The following P2RX1 variants were observed in gnomAD, a reference collection of about 807,000 sequenced individuals.
P2RX1 encodes the protein P2X purinoceptor 1.
P2RX1 carries 42 observed loss-of-function variants against 50.3 expected under a neutral mutation model. The observed-to-expected ratio is 0.83, with a 90% CI of 0.65 to 1.08. The LOEUF is 1.08. Among genes scored for constraint, P2RX1 ranks in the 50% least tolerant of loss-of-function variants. The pLI is 0.00. For missense variants in P2RX1, 449 were observed against 529.0 expected, an observed-to-expected ratio of 0.85 and a Z score of 1.48; for synonymous variants, 199 against 202.6, an observed-to-expected ratio of 0.98 and a Z score of 0.15.
At chr17:3,909,998 G>A (rs1319786714) in intron 1 of P2RX1, among the ~76,000 whole-genome samples, 5 of 130,888 alleles carry the variant, frequency 3.8e-5, no homozygotes, top group Non-Finnish European at 7.9e-5. Context: ...TTTTTGAGAC[G>A]GAGTCTCGCT....
In P2RX1 at chr17:3,905,331, C is replaced by G. The variant is rs145994135; in HGVS notation, c.174G>C (p.Ser58=). Residue 58 remains serine (S), a synonymous_variant, in exon 2 of 12, where the codon TCG becomes TCC. Transcript: ENST00000225538. The part of the protein sequence containing the change: ...VFLYEKGYQT[S]SGLISSVSVK... The stretch of plus-strand genomic sequence containing the variant: ...CAGAGACACTGCTGATGAGGCCGCT[C>G]GAGGTCTGGTAGCCCTTCTCATAGA... 1.5e-5 allele frequency: 25 copies of G among 1,613,792 alleles called. No homozygotes were observed. The highest frequency in any genetic ancestry group is 2.0e-5 in the Non-Finnish European group (24 of 1,180,036).
chr17:3,900,584 C>G (rs752296446), intron 7 of P2RX1, among the ~76,000 whole-genome samples: 8 of 152,224 alleles, frequency 5.3e-5, no homozygotes, highest in Non-Finnish European at 1.0e-4. Context: ...CTCCAGCTCT[C>G]TGACCATTTC....
At position 3,916,196 on chromosome 17, in the gene P2RX1, G is replaced by A. The variant is rs757339123; in HGVS notation, c.30C>T (p.Ala10=). 1.2e-5 allele frequency: 19 copies of A among 1,613,024 alleles called. No individual in the cohort carries two copies. Among genetic ancestry groups the A allele is most frequent in the East Asian group, 2.2e-5 (1 of 44,886 alleles). ...GGGTGTCATACTCGAAGAGGAAGGC[G>A]GCCAGCTCCTCCTGGAACCGCCGTG... MARRFQEEL[A]AFLFEYDTPR... Residue 10 remains alanine (A), a synonymous_variant, in exon 1 of 12, where the codon GCC becomes GCT. Coordinates refer to ENST00000225538, the MANE Select transcript of P2RX1 (RefSeq NM_002558.4).
chr17:3,906,186 C>G (rs188720729), intron 1 of P2RX1, among the ~76,000 whole-genome samples: 304 of 152,240 alleles, frequency 2.0e-3, no homozygotes, highest in African/African-American at 7.0e-3. Flanking sequence ...GACTGGAGTA[C>G]AGCGGCGCCA....
rs2056203722 is a variant in P2RX1, at chr17:3,903,869, G to GC, written c.524+58dup. ...GGGTAAAGATCCTTTCTAGACCTAG[G>GC]CCCCCCTCTGTCTGGCCTGGGACCC... is the stretch of plus-strand genomic sequence containing the variant. On this transcript the variant is annotated intron_variant, in intron 5 of 11. Transcript: ENST00000225538. This position sits in a 1 kb window ranked among gnomAD's most constrained non-coding sequence, Gnocchi z 4.6. The GC allele has an allele frequency of 1.4e-6, 2 of 1,386,410 alleles. No homozygotes were observed. Among genetic ancestry groups the GC allele is most frequent in the Admixed American group, 1.7e-5 (1 of 59,580 alleles). 85.9% of individuals were successfully genotyped at this position (1,386,410 alleles called of 1,614,324 possible).
rs2074988 is a variant in P2RX1 at position 3,905,419 on chromosome 17, T to C, written c.138-52A>G. On this transcript the variant is annotated intron_variant, in intron 1 of 11. Transcript: ENST00000225538. ...TTGTGGTTGTGGCACCAGCTGGACC[T>C]GTCACACGCTTTCCCACGCCCTCCC... 674,386 of 1,602,032 alleles carry C rather than the reference T, an allele frequency of 0.42. 149,680 individuals are homozygous for C. The highest frequency in any genetic ancestry group is 0.69 in the African/African-American group (51,758 of 74,850).
Position 3,903,360 on chromosome 17 carries a change from T to C in P2RX1, c.606-17A>G. On this transcript the variant is annotated splice_polypyrimidine_tract_variant and intron_variant, in intron 6 of 11. Coordinates refer to ENST00000225538, the MANE Select transcript of P2RX1 (RefSeq NM_002558.4). This position sits in a 1 kb window ranked among gnomAD's most constrained non-coding sequence, Gnocchi z 4.6. ...AGGTTGCGCCTGTGGGGGTGGAAGGTGTTGACAGCTGCTGTGTGTCATCCG... is the reference window on the plus strand; with the variant it reads ...AGGTTGCGCCTGTGGGGGTGGAAGGCGTTGACAGCTGCTGTGTGTCATCCG... The C allele has an allele frequency of 6.2e-7, 1 of 1,613,776 alleles. No individual in the cohort carries two copies. Among genetic ancestry groups the C allele is most frequent in the East Asian group, 2.2e-5 (1 of 44,874 alleles).
At chr17:3,899,570 T>C (rs2143960935) in intron 8 of P2RX1, 64 bp downstream of exon 8, 3 of 1,601,840 alleles carry the variant, frequency 1.9e-6, no homozygotes, top group South Asian at 2.2e-5. Context: ...CCTGAAGTGT[T>C]CTGGGAGTAG....
intron 1 of P2RX1, among the ~76,000 whole-genome samples, chr17:3,913,704 C>T (rs1477216616): frequency 6.6e-6 from 1 of 152,258 alleles, no homozygotes; most frequent in Admixed American, 6.5e-5. Context: ...TCTCTGTGTC[C>T]ACCCATCCCC....
Position 3,903,402 on chromosome 17 carries a change from G to C in P2RX1, c.606-59C>G. 1.9e-6 allele frequency: 3 copies of C among 1,609,868 alleles called. No homozygotes were observed. In the South Asian group the frequency reaches 3.3e-5, roughly 18 times the overall value. On this transcript the variant is annotated intron_variant, in intron 6 of 11. Coordinates refer to ENST00000225538, the MANE Select transcript of P2RX1 (RefSeq NM_002558.4). The surrounding 1 kb of genome is among the most constrained non-coding windows in gnomAD (Gnocchi z 4.6). ...TGTCATCCGGGAGGGTGCCCACCACGCCCCAAAGCCTGGGGACCCCTCACA... is the reference window on the plus strand; with the variant it reads ...TGTCATCCGGGAGGGTGCCCACCACCCCCCAAAGCCTGGGGACCCCTCACA...
intron 1 of P2RX1, among the ~76,000 whole-genome samples, chr17:3,911,127 C>T (rs2056354754): frequency 6.6e-6 from 1 of 151,474 alleles, no homozygotes; most frequent in African/African-American, 2.4e-5. Flanking sequence ...GGACTGACTA[C>T]AGGCACGCGC....
Position 3,897,656 on chromosome 17 carries a change from C to A in P2RX1, c.*158G>T. ...AGCCGGAGCTCAGATTTGCACAGGT[C>A]TCTCCTACTATGCACCCTGAGCTTC... On this transcript the variant is annotated 3_prime_UTR_variant, in exon 12 of 12. Coordinates refer to ENST00000225538, the MANE Select transcript of P2RX1 (RefSeq NM_002558.4). 1 of 694,206 alleles carries A rather than the reference C, an allele frequency of 1.4e-6. No homozygotes were observed. The highest frequency in any genetic ancestry group is 2.6e-6 in the Non-Finnish European group (1 of 390,000). The allele number at this position is 694,206 out of a possible 1,614,324, so 43.0% of individuals were successfully genotyped here. A position where few individuals can be genotyped will look rare whatever the true frequency, so the allele number is the denominator to read the frequency against.
intron 1 of P2RX1, among the ~76,000 whole-genome samples, chr17:3,913,327 A>G (rs1380676403): frequency 6.6e-6 from 1 of 152,188 alleles, no homozygotes; most frequent in South Asian, 2.1e-4. Flanking sequence ...GGGTTTCACC[A>G]TGTTGGCCAG....
rs1214658212 is a variant in P2RX1 at position 3,905,415 on chromosome 17, G to A, written c.138-48C>T. ...GGAGTTGTGGTTGTGGCACCAGCTG[G>A]ACCTGTCACACGCTTTCCCACGCCC... On this transcript the variant is annotated intron_variant, in intron 1 of 11. Coordinates refer to ENST00000225538, the MANE Select transcript of P2RX1 (RefSeq NM_002558.4). The A allele has an allele frequency of 3.1e-6, 5 of 1,607,190 alleles. No individual in the cohort carries two copies. The African/African-American group carries it at 4.0e-5, about 13-fold the overall frequency.
chr17:3,909,295 G>T (rs1472221453), intron 1 of P2RX1, among the ~76,000 whole-genome samples: 1 of 152,166 alleles, frequency 6.6e-6, no homozygotes, highest in Non-Finnish European at 1.5e-5. Flanking sequence ...CTCCCAAGGT[G>T]CTGGGATTAC....
chr17:3,915,213 G>T, intron 1 of P2RX1: 1 of 346,284 alleles, frequency 2.9e-6, no homozygotes, highest in South Asian at 2.2e-5. Flanking sequence ...GTCACTGTGA[G>T]TGGACAAGAT....
At chr17:3,913,200 C>G (rs62071698) in intron 1 of P2RX1, among the ~76,000 whole-genome samples, 7,874 of 150,152 alleles carry the variant, frequency 0.052, 281 homozygotes, top group Non-Finnish European at 0.076. Context: ...GGGGCAATCT[C>G]AGCTCCACTC....
intron 1 of P2RX1, among the ~76,000 whole-genome samples, chr17:3,910,259 G>A (rs2056340609): frequency 2.0e-5 from 3 of 152,176 alleles, no homozygotes; most frequent in Admixed American, 1.3e-4. Flanking sequence ...ACAGGCATGA[G>A]CCACTGTGCC....
chr17:3,910,891 G>T (rs2056351281), intron 1 of P2RX1, among the ~76,000 whole-genome samples: 1 of 152,208 alleles, frequency 6.6e-6, no homozygotes, highest in Admixed American at 6.5e-5. Flanking sequence ...CACATAATAG[G>T]AACTCAACAA....
Sources: allele counts gnomAD v4.1 joint callset (sites outside exome capture counted in the v4.1 genomes callset), GRCh38; gene constraint gnomAD v4.1.1; non-coding constraint Gnocchi (gnomAD v3.1); transcripts MANE v1.5; gene names NCBI Gene and HGNC (gene_info 2026-07-23, HGNC 2026-07-21).